THSD4: variants seen among roughly 807,000 people sequenced by gnomAD.
The protein encoded by THSD4 is thrombospondin type 1 domain containing 4, also known as thrombospondin type-1 domain-containing protein 4.
A neutral mutation model predicts 119.0 loss-of-function variants in THSD4; 69 were observed. The observed-to-expected ratio is 0.58, with a 90% confidence interval of 0.48 to 0.71. THSD4 has a LOEUF of 0.71. Among genes scored for constraint, THSD4 ranks in the 30% least tolerant of loss-of-function variants. The probability of loss-of-function intolerance (pLI) is 0.00; values close to 1 mark genes in which losing one functional copy is unlikely to be tolerated. For synonymous variants in THSD4, 524 were observed against 540.4 expected (o/e 0.97, Z 0.42); for missense variants, 1,393 against 1,391.1 (o/e 1.00, Z -0.02).
chr15:71,376,105 T>G (rs2046132806), intron 6 of THSD4, among the ~76,000 whole-genome samples: 1 of 152,254 alleles, frequency 6.6e-6, no homozygotes, highest in Non-Finnish European at 1.5e-5. Flanking sequence ...AGACCATGAC[T>G]GTGCCCAAGG....
In THSD4 at chr15:71,748,555, C is replaced by G; in HGVS notation, c.2376C>G (p.Pro792=). ...PNDIENCDMG[P]CAKSWFLTEW... Reference sequence around the variant, plus strand: ...ACATTGAGAACTGCGACATGGGACCCTGTGCCAAGAGCTGGTTCCTCACCG... The same window carrying G: ...ACATTGAGAACTGCGACATGGGACCGTGTGCCAAGAGCTGGTTCCTCACCG... The change falls in exon 14 of 18, where the codon CCC becomes CCG. Residue 792 remains proline (P), a synonymous_variant. Coordinates refer to ENST00000261862, the MANE Select transcript of THSD4 (RefSeq NM_024817.3). 1 of 1,614,182 alleles carries G rather than the reference C, an allele frequency of 6.2e-7. No individual in the cohort carries two copies.
intron 6 of THSD4, among the ~76,000 whole-genome samples, chr15:71,264,373 C>T (rs538646994): frequency 1.3e-5 from 2 of 152,280 alleles, no homozygotes; most frequent in South Asian, 2.1e-4. Flanking sequence ...TGGAATGCTC[C>T]CCACAAGATC....
At chr15:71,311,859 T>C (rs1329444078) in intron 6 of THSD4, among the ~76,000 whole-genome samples, 1 of 152,168 alleles carries the variant, frequency 6.6e-6, no homozygotes, top group East Asian at 1.9e-4. Flanking sequence ...TCCTCCTCTT[T>C]CCACCTCCAT....
At chr15:71,105,302 C>T (rs181112174) in intron 1 of THSD4, among the ~76,000 whole-genome samples, 15 of 152,268 alleles carry the variant, frequency 9.9e-5, no homozygotes, top group East Asian at 7.7e-4. Context: ...GCCATTTACT[C>T]GTTTATTATA....
chr15:71,128,941 G>A lies in THSD4; in HGVS notation c.-79-12508G>A, dbSNP rs1320495685. ...ATAGGGAAATCAGAGAACATTAATT[G>A]CAATTATCTGGATGATGGTTTAGAT... On this transcript the variant is annotated intron_variant, in intron 1 of 17. Transcript: ENST00000261862. 2.6e-5 allele frequency among the ~76,000 whole-genome samples: 4 copies of A among 152,142 alleles called. No homozygotes were observed. The East Asian group carries it at 7.7e-4, about 29-fold the overall frequency.
intron 6 of THSD4, among the ~76,000 whole-genome samples, chr15:71,368,962 G>C (rs2046005939): frequency 6.6e-6 from 1 of 152,092 alleles, no homozygotes; most frequent in South Asian, 2.1e-4. Context: ...TTATTTTGTT[G>C]AGCAGTGGTT....
intron 3 of THSD4, among the ~76,000 whole-genome samples, chr15:71,172,324 C>T (rs2043375117): frequency 6.8e-6 from 1 of 147,542 alleles, no homozygotes; most frequent in African/African-American, 2.5e-5. Flanking sequence ...AACTCTGTCT[C>T]AAAAAAAAAT....
intron 7 of THSD4, among the ~76,000 whole-genome samples, chr15:71,585,373 G>A (rs1005597863): frequency 1.3e-5 from 2 of 152,168 alleles, no homozygotes; most frequent in South Asian, 2.1e-4. Context: ...TTGGTTGTTT[G>A]TTCCTTTCGG....
intron 7 of THSD4, among the ~76,000 whole-genome samples, chr15:71,426,367 G>C (rs1350764411): frequency 1.0e-4 from 1 of 9,680 alleles, no homozygotes; most frequent in African/African-American, 1.6e-4. Flanking sequence ...AAGTATAGCT[G>C]TGTGTGTGTG....
intron 8 of THSD4, among the ~76,000 whole-genome samples, chr15:71,677,752 G>A (rs1326780188): frequency 6.6e-6 from 1 of 152,176 alleles, no homozygotes; most frequent in Non-Finnish European, 1.5e-5. Flanking sequence ...TTTCCTGTTT[G>A]TACATGGATT....
At chr15:71,102,008 G>A (rs1414785030) in intron 1 of THSD4, among the ~76,000 whole-genome samples, 1 of 152,018 alleles carries the variant, frequency 6.6e-6, no homozygotes, top group East Asian at 1.9e-4. Flanking sequence ...CCACTGTGGA[G>A]GGCCGATAAT....
intron 3 of THSD4, among the ~76,000 whole-genome samples, chr15:71,161,886 A>G (rs924578607): frequency 6.6e-6 from 1 of 151,172 alleles, no homozygotes; most frequent in African/African-American, 2.4e-5. Flanking sequence ...TTCTTTTCTC[A>G]TGTTTATTTG....
At chr15:71,474,850 C>G (rs2047634763) in intron 7 of THSD4, among the ~76,000 whole-genome samples, 1 of 152,210 alleles carries the variant, frequency 6.6e-6, no homozygotes, top group Non-Finnish European at 1.5e-5. Flanking sequence ...TCTCTCTCTT[C>G]CCTTGACTCA....
chr15:71,765,220 T>C lies in THSD4; in HGVS notation c.2769+21T>C, dbSNP rs769741427. On this transcript the variant is annotated intron_variant, in intron 16 of 17. Coordinates refer to ENST00000261862, the MANE Select transcript of THSD4 (RefSeq NM_024817.3). ...GCATGGTAAGTCATGGTGCTCTTGA[T>C]GGAGGTTGCATTGGCACAACGTCCC... 2.5e-6 allele frequency: 4 copies of C among 1,609,424 alleles called. No homozygotes were observed. In the Admixed American group the frequency reaches 6.7e-5, roughly 27 times the overall value.
At chr15:71,487,505 C>T (rs2047840887) in intron 7 of THSD4, among the ~76,000 whole-genome samples, 3 of 152,136 alleles carry the variant, frequency 2.0e-5, no homozygotes, top group South Asian at 2.1e-4. Flanking sequence ...ATAGCTGTAA[C>T]CTGCAAGAAA....
chr15:71,188,102 G>A (rs954419239), intron 3 of THSD4, among the ~76,000 whole-genome samples: 3 of 152,180 alleles, frequency 2.0e-5, no homozygotes, highest in Admixed American at 6.5e-5. Flanking sequence ...GTGTTCATAA[G>A]ATAAAAGGGG....
At chr15:71,135,243 G>A (rs1012262049) in intron 1 of THSD4, among the ~76,000 whole-genome samples, 2 of 146,554 alleles carry the variant, frequency 1.4e-5, no homozygotes, top group Non-Finnish European at 3.0e-5. Flanking sequence ...GGGAGGGGTA[G>A]CATTGGGAGA....
At chr15:71,611,185 C>T (rs2050217709) in intron 7 of THSD4, among the ~76,000 whole-genome samples, 7 of 152,296 alleles carry the variant, frequency 4.6e-5, no homozygotes, top group Admixed American at 4.6e-4. Flanking sequence ...AGTAAGTATG[C>T]CACAAATAGC....
At chr15:71,474,830 A>C (rs1012086960) in intron 7 of THSD4, among the ~76,000 whole-genome samples, 2 of 152,114 alleles carry the variant, frequency 1.3e-5, no homozygotes, top group African/African-American at 4.8e-5. Context: ...CTCCTTCTGG[A>C]TTCTAGCAAT....
Sources: allele counts gnomAD v4.1 joint callset (sites outside exome capture counted in the v4.1 genomes callset), GRCh38; gene constraint gnomAD v4.1.1; transcripts MANE v1.5; gene names NCBI Gene and HGNC (gene_info 2026-07-23, HGNC 2026-07-21).